The following TMEM156 variants were observed in gnomAD, a reference collection of about 807,000 sequenced individuals.
TMEM156 encodes the protein transmembrane protein 156.
In TMEM156, 28 loss-of-function variants were observed where a neutral mutation model predicts 30.5. The observed-to-expected ratio is 0.92, with a 90% CI of 0.68 to 1.26. TMEM156 has a LOEUF of 1.26. Among genes scored for constraint, TMEM156 ranks in the 50% most tolerant of loss-of-function variants. The probability of loss-of-function intolerance (pLI) is 0.00; values close to 1 mark genes in which losing one functional copy is unlikely to be tolerated. For synonymous variants in TMEM156, 137 were observed against 119.9 expected (o/e 1.14, Z -0.93); for missense variants, 351 against 340.6 (o/e 1.03, Z -0.24).
chr4:38,996,058 A>G (rs1306097928), intron 2 of TMEM156, among the ~76,000 whole-genome samples: 1 of 152,224 alleles, frequency 6.6e-6, no homozygotes, highest in Non-Finnish European at 1.5e-5. Flanking sequence ...AAAACACATC[A>G]GGAACTCCTA....
At position 38,989,389 on chromosome 4, in the gene TMEM156, G is replaced by A. The variant is rs1712249648; in HGVS notation, c.620-419C>T. On this transcript the variant is annotated intron_variant, in intron 3 of 6. Transcript: ENST00000381938. ...TCAGCAAAGATGCAGTGAGTACAAGGAAGATGGGGAAGAAAGAGAAAGGCA... is the reference window on the plus strand; with the variant it reads ...TCAGCAAAGATGCAGTGAGTACAAGAAAGATGGGGAAGAAAGAGAAAGGCA... Among the ~76,000 whole-genome samples the A allele has an allele frequency of 2.0e-5, 3 of 152,190 alleles. No individual in the cohort carries two copies. The South Asian group carries it at 6.2e-4, about 31-fold the overall frequency.
intron 4 of TMEM156, among the ~76,000 whole-genome samples, chr4:38,986,977 A>AT (rs1712052923): frequency 1.5e-5 from 2 of 130,602 alleles, no homozygotes; most frequent in Middle Eastern, 4.4e-3. Flanking sequence ...GTAGTGTGAC[A>AT]TTTTTTATTA....
Position 39,032,407 on chromosome 4 carries a change from T to G in TMEM156, c.-94A>C, listed in dbSNP as rs1325398161. The G allele has an allele frequency of 1.6e-5, 11 of 667,892 alleles. No homozygotes were observed. Among genetic ancestry groups the G allele is most frequent in the Non-Finnish European group, 2.6e-5 (10 of 384,266 alleles). The allele number at this position is 667,892 out of a possible 1,614,324, so 41.4% of individuals were successfully genotyped here. A position where few individuals can be genotyped will look rare whatever the true frequency, so the allele number is the denominator to read the frequency against. On this transcript the variant is annotated 5_prime_UTR_variant, in exon 1 of 7. Transcript: ENST00000381938. ...TTATCTCTGCAGCACTTTAGGTTAA[T>G]GCAGTTCACCTCATACTCACTTCCT... is the stretch of plus-strand genomic sequence containing the variant.
chr4:38,985,935 C>A (rs1711949654), intron 5 of TMEM156, among the ~76,000 whole-genome samples: 1 of 152,194 alleles, frequency 6.6e-6, no homozygotes, highest in Non-Finnish European at 1.5e-5. Flanking sequence ...ATTAGAAGTT[C>A]TCTTTACACA....
intron 1 of TMEM156, among the ~76,000 whole-genome samples, chr4:39,017,864 A>C: frequency 6.6e-6 from 1 of 151,874 alleles, no homozygotes; most frequent in East Asian, 1.9e-4. Context: ...TCATCTTTTC[A>C]CTTTTATCTT....
chr4:38,988,937 A>C lies in TMEM156; in HGVS notation c.653T>G (p.Ile218Ser), dbSNP rs771388235. 7 of 1,612,416 alleles carry C rather than the reference A, an allele frequency of 4.3e-6. No homozygotes were observed. The South Asian group carries it at 6.6e-5, about 15-fold the overall frequency. ...AAATATAAAAACTAATAGAACTAAAATATACCAAGTGATCTTCATGGAACA... is the reference window on the plus strand; with the variant it reads ...AAATATAAAAACTAATAGAACTAAACTATACCAAGTGATCTTCATGGAACA... ...ITCSMKITWY[I>S]LVLLVFIFLI... is the part of the protein sequence containing the mutation. The change falls in exon 4 of 7, where the codon ATT becomes AGT. Residue 218 changes from isoleucine to serine, a missense_variant. Coordinates refer to ENST00000381938, the MANE Select transcript of TMEM156 (RefSeq NM_024943.3).
intron 3 of TMEM156, among the ~76,000 whole-genome samples, chr4:38,992,822 C>T (rs933030239): frequency 4.1e-5 from 6 of 147,634 alleles, no homozygotes; most frequent in Non-Finnish European, 8.9e-5. Context: ...AGTGCAGCAG[C>T]GCGATCTCGG....
intron 5 of TMEM156, among the ~76,000 whole-genome samples, chr4:38,984,263 T>C (rs1711786453): frequency 1.3e-5 from 2 of 152,252 alleles, no homozygotes; most frequent in South Asian, 4.2e-4. Flanking sequence ...CTTATTTCTC[T>C]CTTGTAGGAT....
chr4:39,006,367 A>T (rs1713738102), intron 1 of TMEM156, among the ~76,000 whole-genome samples: 1 of 151,938 alleles, frequency 6.6e-6, no homozygotes, highest in African/African-American at 2.4e-5. Flanking sequence ...TTTAGAAGTT[A>T]TTTACGTTTT....
chr4:39,002,839 A>T (rs1176611197), intron 1 of TMEM156, among the ~76,000 whole-genome samples: 2 of 149,698 alleles, frequency 1.3e-5, no homozygotes, highest in South Asian at 4.3e-4. Context: ...AACAATGAGA[A>T]CACATGGACA....
rs113661804 is a variant in TMEM156, at chr4:38,984,614, A to G, written c.823+1722T>C. Among the ~76,000 whole-genome samples the G allele has an allele frequency of 9.9e-3, 1,507 of 152,204 alleles. 24 individuals are homozygous for G. The highest frequency in any genetic ancestry group is 0.034 in the African/African-American group (1,424 of 41,522). On this transcript the variant is annotated intron_variant, in intron 5 of 6. Coordinates refer to ENST00000381938, the MANE Select transcript of TMEM156 (RefSeq NM_024943.3). ...CCATCACTACAAAGAGAGGCCTTAA[A>G]AACTGCACTCAAGGGAGACATGATT...
At chr4:38,981,673 T>C (rs1711563193) in intron 5 of TMEM156, among the ~76,000 whole-genome samples, 1 of 152,148 alleles carries the variant, frequency 6.6e-6, no homozygotes, top group Admixed American at 6.5e-5. Flanking sequence ...AACTCCCTTA[T>C]CTTCAGTTTT....
chr4:39,006,963 A>C (rs1472658799), intron 1 of TMEM156, among the ~76,000 whole-genome samples: 56 of 152,060 alleles, frequency 3.7e-4, no homozygotes, highest in African/African-American at 1.3e-3. Flanking sequence ...ACAAACAAAA[A>C]AACAAAAACA....
intron 1 of TMEM156, among the ~76,000 whole-genome samples, chr4:39,001,214 C>CAAA (rs34945666): frequency 0.014 from 1,636 of 115,022 alleles, 39 homozygotes; most frequent in African/African-American, 0.055. Flanking sequence ...ACTAAAAATA[C>CAAA]AAAAAAAAAA....
Position 38,986,413 on chromosome 4 carries a change from C to T in TMEM156, c.746G>A (p.Arg249Lys). The change falls in exon 5 of 7, where the codon AGA becomes AAA. Residue 249 changes from arginine to lysine, a missense_variant. By Grantham distance (26) the Arg-to-Lys change is conservative. Coordinates refer to ENST00000381938, the MANE Select transcript of TMEM156 (RefSeq NM_024943.3). The part of the protein sequence containing the change: ...QRRVQKWQSH[R>K]DKPTSVLLRG... Reference sequence around the variant, plus strand: ...TAAGAGAACAGATGTAGGTTTGTCTCTATGACCTATTCCCAGAAAAGAAAT... The same window carrying T: ...TAAGAGAACAGATGTAGGTTTGTCTTTATGACCTATTCCCAGAAAAGAAAT... 15 of 1,608,904 alleles carry T rather than the reference C, an allele frequency of 9.3e-6. No individual in the cohort carries two copies. Among genetic ancestry groups the T allele is most frequent in the Non-Finnish European group, 1.3e-5 (15 of 1,175,354 alleles).
chr4:38,972,383 T>C (rs530074801), intron 5 of TMEM156, among the ~76,000 whole-genome samples: 4 of 150,182 alleles, frequency 2.7e-5, no homozygotes, highest in African/African-American at 9.8e-5. Context: ...CCTGAGTAGC[T>C]GGGATCACAG....
chr4:38,992,713 TATATATATATA>T (rs1472596836), intron 3 of TMEM156, among the ~76,000 whole-genome samples: 7 of 46,638 alleles, frequency 1.5e-4, no homozygotes, highest in Non-Finnish European at 2.3e-4. Flanking sequence ...ATATATATAT[TATATATATATA>T]ATATATATAT....
At chr4:38,980,952 G>C in intron 5 of TMEM156, 1 of 985,192 alleles carries the variant, frequency 1.0e-6, no homozygotes, top group South Asian at 4.7e-5. Flanking sequence ...GGAATAAATC[G>C]TCCTATTCCG....
intron 1 of TMEM156, among the ~76,000 whole-genome samples, chr4:39,015,753 T>C (rs759429912): frequency 8.5e-5 from 13 of 152,182 alleles, no homozygotes; most frequent in Non-Finnish European, 1.6e-4. Context: ...CTCCCTCATG[T>C]TGTGGGAGGG....
Sources: gnomAD v4.1 joint callset for allele counts (sites outside exome capture counted in the v4.1 genomes callset) on GRCh38, gnomAD v4.1.1 for gene constraint, MANE v1.5 for transcripts, NCBI Gene and HGNC (gene_info 2026-07-23, HGNC 2026-07-21) for gene names.